SARNP: variants seen among roughly 807,000 people sequenced by gnomAD.
SARNP encodes the protein SAP domain containing ribonucleoprotein.
A neutral mutation model predicts 38.1 loss-of-function variants in SARNP; 5 were observed. The observed-to-expected ratio is 0.13, with a 90% confidence interval of 0.07 to 0.28. SARNP has a LOEUF of 0.28. SARNP is among the 10% of genes least tolerant of loss of function. SARNP has a pLI of 1.00. For synonymous variants in SARNP, 84 were observed against 80.6 expected (o/e 1.04, Z -0.23); for missense variants, 180 against 243.9 (o/e 0.74, Z 1.75).
At chr12:55,797,755 A>C (rs939293572) in intron 4 of SARNP, among the ~76,000 whole-genome samples, 2 of 152,180 alleles carry the variant, frequency 1.3e-5, no homozygotes, top group African/African-American at 4.8e-5. Context: ...ATGCATGGGA[A>C]ATTTCCACTC....
rs367817192 is a variant in SARNP, at chr12:55,775,561, A to C, written c.501+13514T>G. ...AAAAAACAAAAAACAAAAACAAAAAAAAAAAACTATGAAAAAAAGAGTAGC... is the reference window on the plus strand; with the variant it reads ...AAAAAACAAAAAACAAAAACAAAAACAAAAAACTATGAAAAAAAGAGTAGC... On this transcript the variant is annotated intron_variant, in intron 9 of 10. Transcript: ENST00000336133. Among the ~76,000 whole-genome samples the C allele has an allele frequency of 7.4e-4, 112 of 151,672 alleles. 1 individual carries two copies. Among genetic ancestry groups the C allele is most frequent in the East Asian group, 3.1e-3 (16 of 5,178 alleles).
At chr12:55,799,652 C>T (rs1162977758) in intron 4 of SARNP, among the ~76,000 whole-genome samples, 1 of 150,510 alleles carries the variant, frequency 6.6e-6, no homozygotes, top group Admixed American at 6.6e-5. Flanking sequence ...CTCCCAGGTT[C>T]AAGCAATTCT....
chr12:55,764,825 T>C (rs888035713), intron 9 of SARNP, among the ~76,000 whole-genome samples: 8 of 131,052 alleles, frequency 6.1e-5, no homozygotes, highest in Non-Finnish European at 1.1e-4. Context: ...AGCCAGACTC[T>C]GTCTCACAAA....
At chr12:55,770,936 C>CT (rs376573673) in intron 9 of SARNP, among the ~76,000 whole-genome samples, 2,022 of 135,470 alleles carry the variant, frequency 0.015, 12 homozygotes, top group Middle Eastern at 0.029. Flanking sequence ...CTTCTTCAAT[C>CT]TTTTTTTTTT....
intron 9 of SARNP, among the ~76,000 whole-genome samples, chr12:55,765,989 T>C (rs1878818490): frequency 6.6e-6 from 1 of 152,178 alleles, no homozygotes; most frequent in Admixed American, 6.5e-5. Context: ...CAGGTTTTGA[T>C]TCATGGGATG....
intron 9 of SARNP, among the ~76,000 whole-genome samples, chr12:55,788,103 T>C (rs560218284): frequency 3.0e-4 from 46 of 152,290 alleles, no homozygotes; most frequent in Non-Finnish European, 6.3e-4. Context: ...GCCACCACTT[T>C]GACAACCAAG....
At chr12:55,807,295 A>C (rs912957639) in intron 1 of SARNP, among the ~76,000 whole-genome samples, 5 of 152,242 alleles carry the variant, frequency 3.3e-5, no homozygotes, top group African/African-American at 9.6e-5. Flanking sequence ...CTAACCAGGA[A>C]CAGCTAGTTC....
chr12:55,808,485 T>A (rs1880224172), intron 1 of SARNP, among the ~76,000 whole-genome samples: 1 of 152,100 alleles, frequency 6.6e-6, no homozygotes, highest in East Asian at 1.9e-4. Context: ...CTGGCTAATT[T>A]AGTGTTTTCC....
At chr12:55,787,939 C>T (rs1220510744) in intron 9 of SARNP, among the ~76,000 whole-genome samples, 1 of 151,784 alleles carries the variant, frequency 6.6e-6, no homozygotes, top group Non-Finnish European at 1.5e-5. Flanking sequence ...TTAGTAGAGA[C>T]GGGGTTTCAC....
At chr12:55,758,534 A>ACT (rs1235887130) in intron 10 of SARNP, among the ~76,000 whole-genome samples, 1 of 152,074 alleles carries the variant, frequency 6.6e-6, no homozygotes, top group Non-Finnish European at 1.5e-5. Context: ...AATCCCAGGT[A>ACT]CTCAGGAGGC....
chr12:55,770,456 G>T (rs1202217084), intron 9 of SARNP, among the ~76,000 whole-genome samples: 1 of 150,378 alleles, frequency 6.6e-6, no homozygotes, highest in Non-Finnish European at 1.5e-5. Context: ...AGCCAGGATG[G>T]TCTCGATCTC....
intron 7 of SARNP, chr12:55,793,931 T>G: frequency 5.5e-6 from 1 of 180,190 alleles, no homozygotes; most frequent in Non-Finnish European, 1.2e-5. Context: ...TCCCTGAGGC[T>G]AAGTCTTTAT....
At chr12:55,813,845 G>C (rs1164072156) in intron 1 of SARNP, among the ~76,000 whole-genome samples, 1 of 152,104 alleles carries the variant, frequency 6.6e-6, no homozygotes, top group African/African-American at 2.4e-5. Flanking sequence ...CACCCAGCCT[G>C]CTTGGATTTA....
At chr12:55,816,705 C>T (rs1208360856) in intron 1 of SARNP, among the ~76,000 whole-genome samples, 3 of 152,302 alleles carry the variant, frequency 2.0e-5, no homozygotes, top group African/African-American at 7.2e-5. Context: ...AAACCACAAA[C>T]AGACAATTAC....
chr12:55,773,101 A>AATTTAG (rs1381652703), intron 9 of SARNP, among the ~76,000 whole-genome samples: 1 of 152,166 alleles, frequency 6.6e-6, no homozygotes. Flanking sequence ...ACCATTCAGA[A>AATTTAG]ATTTAGAGTG....
chr12:55,779,478 T>C (rs1879280278), intron 9 of SARNP, among the ~76,000 whole-genome samples: 1 of 152,234 alleles, frequency 6.6e-6, no homozygotes. Context: ...GCAGGCTACT[T>C]TTCCAACTTA....
chr12:55,794,878 T>C lies in SARNP; in HGVS notation c.306A>G (p.Arg102=), dbSNP rs1879775444. 1.3e-6 allele frequency: 2 copies of C among 1,598,154 alleles called. No homozygotes were observed. Among genetic ancestry groups the C allele is most frequent in the African/African-American group, 1.4e-5 (1 of 73,708 alleles). ...KITSEIPQTE[R]MQKRAERFNV... is the part of the protein sequence containing the mutation. ...TGAATCGTTCAGCCCTCTTCTGCATTCTCTAAGTAAAAATAGACAAAAGGG... is the reference window on the plus strand; with the variant it reads ...TGAATCGTTCAGCCCTCTTCTGCATCCTCTAAGTAAAAATAGACAAAAGGG... Residue 102 remains arginine, a splice_region_variant and synonymous_variant, in exon 6 of 11, where the codon AGA becomes AGG. Transcript: ENST00000336133.
At chr12:55,803,855 T>C in intron 1 of SARNP, 127 bp from the exon 2 acceptor site, 1 of 615,370 alleles carries the variant, frequency 1.6e-6, no homozygotes, top group South Asian at 2.1e-5. Context: ...CCCTTAATTC[T>C]ACCAAGGCTC....
chr12:55,754,833 T>C (rs1878453734), downstream of SARNP: 1 of 152,238 alleles, frequency 6.6e-6, no homozygotes, highest in African/African-American at 2.4e-5. Flanking sequence ...GCGCAGGGTC[T>C]CAGAGCTAGT....
Sources: allele counts gnomAD v4.1 joint callset (sites outside exome capture counted in the v4.1 genomes callset), GRCh38; gene constraint gnomAD v4.1.1; transcripts MANE v1.5; gene names NCBI Gene and HGNC (gene_info 2026-07-23, HGNC 2026-07-21).